Variants in ACSS3 observed in about 807,000 individuals in gnomAD.
ACSS3 encodes acyl-CoA synthetase short chain family member 3.
Under a neutral mutation model 84.2 loss-of-function variants are expected in ACSS3, and 64 were observed. The ratio of observed to expected loss-of-function variants is 0.76; its 90% confidence interval spans 0.62 to 0.94. The LOEUF (loss-of-function observed/expected upper bound fraction) is 0.94, where lower values mean the gene tolerates loss of function less well. Ranked by LOEUF, ACSS3 falls within the 40% of genes least tolerant of loss-of-function variation. The pLI, the probability that ACSS3 is intolerant of heterozygous loss-of-function variation, is 0.00. For missense variants in ACSS3, 815 were observed against 867.6 expected, an observed-to-expected ratio of 0.94 and a Z score of 0.76; for synonymous variants, 317 against 310.1, an observed-to-expected ratio of 1.02 and a Z score of -0.23.
At chr12:81,191,203 A>T (rs913251939) in intron 8 of ACSS3, among the ~76,000 whole-genome samples, 1 of 152,100 alleles carries the variant, frequency 6.6e-6, no homozygotes, top group Non-Finnish European at 1.5e-5. Context: ...TCCAGAATCC[A>T]TAATTTAAAT....
chr12:81,173,534 A>C (rs1593158618), intron 7 of ACSS3, among the ~76,000 whole-genome samples: 1 of 152,296 alleles, frequency 6.6e-6, no homozygotes, highest in East Asian at 1.9e-4. Context: ...ATAGTGTCCT[A>C]TCAATGATCT....
intron 12 of ACSS3, among the ~76,000 whole-genome samples, chr12:81,232,517 T>C (rs1353439028): frequency 1.3e-5 from 2 of 151,784 alleles, no homozygotes; most frequent in Non-Finnish European, 2.9e-5. Context: ...GCCTCTCTAA[T>C]ATTAATAAAA....
chr12:81,106,863 A>C (rs1215324049), intron 1 of ACSS3, among the ~76,000 whole-genome samples: 3 of 152,164 alleles, frequency 2.0e-5, no homozygotes, highest in Non-Finnish European at 4.4e-5. Flanking sequence ...GTGACATTAC[A>C]TATAAATGAA....
intron 7 of ACSS3, among the ~76,000 whole-genome samples, chr12:81,171,069 C>A (rs2030002772): frequency 6.6e-6 from 1 of 152,106 alleles, no homozygotes; most frequent in African/African-American, 2.4e-5. Flanking sequence ...ACACAAATAG[C>A]TTGCAGCATA....
At chr12:81,158,023 A>G (rs965955129) in intron 7 of ACSS3, among the ~76,000 whole-genome samples, 4 of 152,036 alleles carry the variant, frequency 2.6e-5, no homozygotes, top group Admixed American at 2.6e-4. Flanking sequence ...CAAGATTAAC[A>G]TACAAATATT....
intron 13 of ACSS3, among the ~76,000 whole-genome samples, chr12:81,241,533 T>C (rs1190928728): frequency 6.6e-6 from 1 of 152,176 alleles, no homozygotes; most frequent in Admixed American, 6.5e-5. Context: ...CCATTCTAAC[T>C]GGTATGAGAT....
intron 2 of ACSS3, among the ~76,000 whole-genome samples, chr12:81,119,036 C>T (rs575673483): frequency 1.3e-4 from 20 of 152,180 alleles, no homozygotes; most frequent in Admixed American, 3.9e-4. Context: ...CCCTAAGTGT[C>T]GGCCGATCTG....
intron 8 of ACSS3, among the ~76,000 whole-genome samples, chr12:81,184,572 A>T (rs2031142819): frequency 6.6e-6 from 1 of 151,980 alleles, no homozygotes; most frequent in South Asian, 2.1e-4. Context: ...AAATAAAATC[A>T]AAAATAAAAG....
At position 81,259,544 on chromosome 12, in the gene ACSS3, C is replaced by T; in HGVS notation, c.*4622C>T. 7 of 1,296,904 alleles carry T rather than the reference C, an allele frequency of 5.4e-6. No individual in the cohort carries two copies. The highest frequency in any genetic ancestry group is 7.4e-6 in the Non-Finnish European group (7 of 940,856). The allele number at this position is 1,296,904 out of a possible 1,614,324, so 80.3% of individuals were successfully genotyped here. On this transcript the variant is annotated 3_prime_UTR_variant, in exon 16 of 16. Coordinates refer to ENST00000548058, the MANE Select transcript of ACSS3 (RefSeq NM_024560.4). Reference sequence around the variant, plus strand: ...TCCCCCCAAAAATCACATTTTTCAGCTTTTAATAAGTCATGACGTCATTAT... The same window carrying T: ...TCCCCCCAAAAATCACATTTTTCAGTTTTTAATAAGTCATGACGTCATTAT...
At chr12:81,184,171 A>G (rs1034196841) in intron 8 of ACSS3, among the ~76,000 whole-genome samples, 1 of 152,040 alleles carries the variant, frequency 6.6e-6, no homozygotes, top group Non-Finnish European at 1.5e-5. Flanking sequence ...TGGAAATTAA[A>G]CAACATGCTC....
intron 13 of ACSS3, among the ~76,000 whole-genome samples, chr12:81,238,405 C>T (rs10746185): frequency 2.0e-5 from 3 of 151,698 alleles, no homozygotes; most frequent in Admixed American, 6.6e-5. Flanking sequence ...GTCATTGGAA[C>T]GACAGATTGT....
intron 2 of ACSS3, among the ~76,000 whole-genome samples, chr12:81,134,094 A>G (rs557129792): frequency 1.3e-5 from 2 of 152,008 alleles, no homozygotes; most frequent in Admixed American, 6.6e-5. Flanking sequence ...AGAACTGTGT[A>G]TGTTGTATCC....
At chr12:81,144,097 G>A (rs1293611789) in intron 5 of ACSS3, among the ~76,000 whole-genome samples, 1 of 152,192 alleles carries the variant, frequency 6.6e-6, no homozygotes, top group East Asian at 1.9e-4. Context: ...TATAGCATCA[G>A]TGTTCTGAAA....
intron 7 of ACSS3, among the ~76,000 whole-genome samples, chr12:81,160,567 A>AT (rs1887101369): frequency 6.6e-6 from 1 of 152,154 alleles, no homozygotes; most frequent in South Asian, 2.1e-4. Context: ...TTGGTAGTTC[A>AT]TTTTTTAATC....
At chr12:81,179,531 C>T (rs911736517) in intron 8 of ACSS3, among the ~76,000 whole-genome samples, 1 of 151,752 alleles carries the variant, frequency 6.6e-6, no homozygotes, top group African/African-American at 2.4e-5. Context: ...GCTTGTAATC[C>T]CAGCACTTTG....
chr12:81,187,704 CTCTA>C (rs1478605542), intron 8 of ACSS3, among the ~76,000 whole-genome samples: 19 of 151,788 alleles, frequency 1.3e-4, no homozygotes, highest in Non-Finnish European at 1.6e-4. Context: ...AAAGCATTAC[CTCTA>C]TCTGTTTCCT....
chr12:81,124,904 G>A (rs1593092596), intron 2 of ACSS3, among the ~76,000 whole-genome samples: 1 of 152,098 alleles, frequency 6.6e-6, no homozygotes, highest in Non-Finnish European at 1.5e-5. Flanking sequence ...CTCACTGCTG[G>A]CTCTTTCTCT....
intron 11 of ACSS3, among the ~76,000 whole-genome samples, chr12:81,223,762 G>A (rs1593217082): frequency 6.6e-6 from 1 of 152,082 alleles, no homozygotes; most frequent in East Asian, 1.9e-4. Flanking sequence ...GAAATACTGA[G>A]AGTGCAAAGT....
intron 8 of ACSS3, among the ~76,000 whole-genome samples, chr12:81,198,227 A>C (rs772575202): frequency 5.3e-5 from 8 of 152,090 alleles, no homozygotes; most frequent in African/African-American, 7.2e-5. Context: ...AATACCTAAA[A>C]ATTTCATGTA....
Sources: allele counts gnomAD v4.1 joint callset (sites outside exome capture counted in the v4.1 genomes callset), GRCh38; gene constraint gnomAD v4.1.1; transcripts MANE v1.5; gene names NCBI Gene and HGNC (gene_info 2026-07-23, HGNC 2026-07-21).